The following GNG7 variants were observed in gnomAD, a reference collection of about 807,000 sequenced individuals.
GNG7 encodes the protein guanine nucleotide-binding protein G(I)/G(S)/G(O) subunit gamma-7.
A neutral mutation model predicts 4.0 loss-of-function variants in GNG7; 1 was observed. The ratio of observed to expected loss-of-function variants is 0.25; its 90% CI spans 0.09 to 1.18. GNG7 has a LOEUF of 1.18. Ranked by LOEUF, GNG7 falls within the 50% of genes most tolerant of loss-of-function variation. The pLI is 0.50. For missense variants in GNG7, 86 were observed against 91.9 expected, an observed-to-expected ratio of 0.94 and a Z score of 0.26; for synonymous variants, 34 against 36.9, an observed-to-expected ratio of 0.92 and a Z score of 0.29.
At chr19:2,578,187 T>G (rs2144788376) in intron 2 of GNG7, among the ~76,000 whole-genome samples, 1 of 152,146 alleles carries the variant, frequency 6.6e-6, no homozygotes, top group African/African-American at 2.4e-5. Flanking sequence ...TGCTGATTCT[T>G]AGGGGCTTTG....
chr19:2,560,296 T>A (rs779214657), intron 2 of GNG7, among the ~76,000 whole-genome samples: 1 of 151,986 alleles, frequency 6.6e-6, no homozygotes, highest in Non-Finnish European at 1.5e-5. Context: ...GGCCTGGCCG[T>A]GGCAGGAAGG....
intron 1 of GNG7, among the ~76,000 whole-genome samples, chr19:2,669,438 C>T (rs571950316): frequency 1.3e-5 from 2 of 151,948 alleles, no homozygotes; most frequent in East Asian, 1.9e-4. Context: ...TGCAGTGAGC[C>T]GGGATCGTGC....
intron 1 of GNG7, among the ~76,000 whole-genome samples, chr19:2,681,429 C>T (rs894723336): frequency 1.3e-5 from 2 of 152,126 alleles, no homozygotes; most frequent in East Asian, 1.9e-4. Context: ...ATGATCCGCC[C>T]GCCTCGGCCT....
intron 2 of GNG7, among the ~76,000 whole-genome samples, chr19:2,598,713 T>C: frequency 6.8e-6 from 1 of 147,924 alleles, no homozygotes; most frequent in East Asian, 2.0e-4. Flanking sequence ...ATAATAATAA[T>C]AATAATAATA....
At chr19:2,603,408 T>C in intron 2 of GNG7, among the ~76,000 whole-genome samples, 1 of 152,224 alleles carries the variant, frequency 6.6e-6, no homozygotes, top group East Asian at 1.9e-4. Flanking sequence ...GAGAGGGAGC[T>C]GATGCCAGAA....
rs1972713343 is a variant in GNG7, at chr19:2,515,022, T to C, written c.207A>G (p.Ter69=). The C allele has an allele frequency of 1.9e-6, 3 of 1,608,120 alleles. No homozygotes were observed. The highest frequency in any genetic ancestry group is 2.6e-6 in the Non-Finnish European group (3 of 1,175,970). The part of the protein sequence containing the change: ...FKDKKPCIIL[*] ...AGAGAGAGAACATATGAGAACACAG[T>C]TATAAAATAATACAAGGTTTCTTGT... Residue 69 remains the stop codon, a stop_retained_variant, in exon 5 of 5, where the codon TAA becomes TAG. Transcript: ENST00000382159.
rs60814357 is a variant in GNG7, at chr19:2,655,519, A to C, written c.-134-9239T>G. Among the ~76,000 whole-genome samples the C allele has an allele frequency of 3.0e-3, 455 of 151,736 alleles. 2 individuals carry two copies. Among genetic ancestry groups the C allele is most frequent in the African/African-American group, 9.6e-3 (398 of 41,390 alleles). On this transcript the variant is annotated intron_variant, in intron 1 of 4. Coordinates refer to ENST00000382159, the MANE Select transcript of GNG7 (RefSeq NM_052847.3). ...CGAGTTCGAGACCAGCCTGGCCAAC[A>C]TGGTGAAACTCTGTCTCTACTAAAA...
intron 1 of GNG7, among the ~76,000 whole-genome samples, chr19:2,657,337 TAAAAAAAAA>T (rs372388972): frequency 3.3e-3 from 46 of 13,912 alleles, no homozygotes; most frequent in African/African-American, 7.0e-3. Flanking sequence ...CCGTCTCAAT[TAAAAAAAAA>T]AAAAAAAAAA....
chr19:2,601,750 T>TA (rs1004947197), intron 2 of GNG7, among the ~76,000 whole-genome samples: 3 of 149,926 alleles, frequency 2.0e-5, no homozygotes, highest in African/African-American at 7.4e-5. Flanking sequence ...CCTGTCTTTA[T>TA]AAAAAAATTA....
intron 1 of GNG7, among the ~76,000 whole-genome samples, chr19:2,657,395 T>TATATATATATATAC: frequency 1.1e-5 from 1 of 94,408 alleles, no homozygotes; most frequent in East Asian, 2.5e-4. Flanking sequence ...TATATATATA[T>TATATATATATATAC]ATATACACAT....
chr19:2,546,330 C>T lies in GNG7; in HGVS notation c.-38+8819G>A, dbSNP rs999844882. On this transcript the variant is annotated intron_variant, in intron 3 of 4. Transcript: ENST00000382159. The surrounding 1 kb of genome is among the most constrained non-coding windows in gnomAD (Gnocchi z 6.3). ...ACCTGCAGCCTCTCCAGGGCCAGGT[C>T]GCCCAGCAGGGCCTGGGAGGGCGGC... Among the ~76,000 whole-genome samples, 14 of 152,260 alleles carry T rather than the reference C, an allele frequency of 9.2e-5. No homozygotes were observed. The East Asian group carries it at 1.3e-3, about 15-fold the overall frequency.
At position 2,633,434 on chromosome 19, in the gene GNG7, T is replaced by C. The variant is rs997195766; in HGVS notation, c.-78+12790A>G. 5.3e-5 allele frequency among the ~76,000 whole-genome samples: 8 copies of C among 151,962 alleles called. No homozygotes were observed. Among genetic ancestry groups the C allele is most frequent in the Non-Finnish European group, 8.8e-5 (6 of 67,988 alleles). ...AGTTGGTGCCTCATCCCTCGTTCTG[T>C]GGGAGGCTGACTGTTCAAGCGGTTG... On this transcript the variant is annotated intron_variant, in intron 2 of 4. Coordinates refer to ENST00000382159, the MANE Select transcript of GNG7 (RefSeq NM_052847.3). This position sits in a 1 kb window ranked among gnomAD's most constrained non-coding sequence, Gnocchi z 5.9.
intron 1 of GNG7, among the ~76,000 whole-genome samples, chr19:2,649,751 T>G (rs982766205): frequency 3.3e-5 from 5 of 152,274 alleles, no homozygotes; most frequent in Middle Eastern, 6.8e-3. Context: ...ACTCGCCCAC[T>G]TGAAGTGTAT....
At chr19:2,519,244 A>G (rs1227275679) in intron 4 of GNG7, among the ~76,000 whole-genome samples, 4 of 130,350 alleles carry the variant, frequency 3.1e-5, no homozygotes, top group Non-Finnish European at 6.2e-5. Context: ...TCCACCTCCC[A>G]GGTTCAAGTG....
intron 3 of GNG7, among the ~76,000 whole-genome samples, chr19:2,553,943 A>G (rs915848131): frequency 7.0e-6 from 1 of 143,158 alleles, no homozygotes; most frequent in Non-Finnish European, 1.5e-5. Flanking sequence ...TATGTAATAT[A>G]TTATATGTAA....
chr19:2,680,569 C>A (rs1983705650), intron 1 of GNG7, among the ~76,000 whole-genome samples: 2 of 145,204 alleles, frequency 1.4e-5, no homozygotes, highest in African/African-American at 5.1e-5. Context: ...ACAAAATTTA[C>A]AATTTTTTTT....
At chr19:2,674,333 T>C (rs1179351439) in intron 1 of GNG7, among the ~76,000 whole-genome samples, 2 of 152,190 alleles carry the variant, frequency 1.3e-5, no homozygotes, top group Non-Finnish European at 2.9e-5. Context: ...ATGTTTGAAA[T>C]ATACAAAAGC....
chr19:2,661,484 C>T (rs1047424799), intron 1 of GNG7, among the ~76,000 whole-genome samples: 4 of 151,300 alleles, frequency 2.6e-5, no homozygotes, highest in Admixed American at 2.6e-4. Context: ...CACAGTGAAA[C>T]CCTATCTCTA....
intron 2 of GNG7, among the ~76,000 whole-genome samples, chr19:2,613,890 G>A (rs1981643815): frequency 6.6e-6 from 1 of 152,232 alleles, no homozygotes; most frequent in African/African-American, 2.4e-5. Flanking sequence ...GCTATGCCAA[G>A]AAACTCGGAC....
Sources: gnomAD v4.1 joint callset for allele counts (sites outside exome capture counted in the v4.1 genomes callset) on GRCh38, gnomAD v4.1.1 for gene constraint, Gnocchi (gnomAD v3.1) non-coding constraint, MANE v1.5 for transcripts, NCBI Gene and HGNC (gene_info 2026-07-23, HGNC 2026-07-21) for gene names.